The following PCDH15 variants were observed in gnomAD, a reference collection of about 807,000 sequenced individuals.
The protein encoded by PCDH15 is protocadherin-15.
A neutral mutation model predicts 178.5 loss-of-function variants in PCDH15; 129 were observed. That is an observed-to-expected ratio of 0.72 (90% CI 0.63 to 0.84). The LOEUF (loss-of-function observed/expected upper bound fraction) is 0.84, where lower values mean the gene tolerates loss of function less well. PCDH15 is among the 40% of genes least tolerant of loss of function. PCDH15 has a pLI of 0.00. For missense variants in PCDH15, 2,230 were observed against 2,099.9 expected (o/e 1.06, Z -1.21); for synonymous variants, 800 against 732.0 (o/e 1.09, Z -1.50).
rs1211089471 is a variant in PCDH15 at position 54,520,147 on chromosome 10, T to G, written c.157+7665A>C. Among the ~76,000 whole-genome samples the G allele has an allele frequency of 1.1e-4, 16 of 152,092 alleles. No homozygotes were observed. The South Asian group carries it at 1.2e-3, about 12-fold the overall frequency. The stretch of plus-strand genomic sequence containing the variant: ...CTAGGCAATACCATTCAGGACATAG[T>G]CATGGGCAAGGACTTTATGTCTAAA... On this transcript the variant is annotated intron_variant, in intron 3 of 37. Transcript: ENST00000644397.
chr10:55,589,926 C>T (rs1467730157), intron 2 of PCDH15, among the ~76,000 whole-genome samples: 3 of 147,626 alleles, frequency 2.0e-5, no homozygotes, highest in Non-Finnish European at 4.5e-5. Context: ...GGATCTAGAA[C>T]TAGAAATACC....
At chr10:53,972,394 T>G (rs1220775148) in intron 21 of PCDH15, among the ~76,000 whole-genome samples, 1 of 152,184 alleles carries the variant, frequency 6.6e-6, no homozygotes, top group East Asian at 1.9e-4. Context: ...GCTTCATGAC[T>G]AAAACACCAA....
At chr10:54,783,085 C>T (rs544469896) in intron 1 of PCDH15, among the ~76,000 whole-genome samples, 9 of 152,074 alleles carry the variant, frequency 5.9e-5, no homozygotes, top group South Asian at 2.1e-4. Flanking sequence ...TGCAAGGAAA[C>T]GTGACACTTT....
intron 22 of PCDH15, among the ~76,000 whole-genome samples, chr10:53,961,316 G>T (rs542739820): frequency 5.3e-5 from 8 of 151,870 alleles, no homozygotes; most frequent in Non-Finnish European, 1.2e-4. Flanking sequence ...ACAAAAAATG[G>T]AAAGTCTAAT....
intron 1 of PCDH15, among the ~76,000 whole-genome samples, chr10:55,220,472 T>A (rs1840840327): frequency 6.6e-6 from 1 of 152,078 alleles, no homozygotes; most frequent in Admixed American, 6.6e-5. Context: ...AATGCATTTT[T>A]AGGCAATTTC....
chr10:54,031,138 C>T (rs565887788), intron 18 of PCDH15, among the ~76,000 whole-genome samples: 32 of 152,148 alleles, frequency 2.1e-4, no homozygotes, highest in African/African-American at 7.5e-4. Flanking sequence ...AATTCCATTC[C>T]CTCACACAGT....
intron 1 of PCDH15, among the ~76,000 whole-genome samples, chr10:55,253,060 G>C (rs1473552450): frequency 6.6e-6 from 1 of 152,052 alleles, no homozygotes; most frequent in Non-Finnish European, 1.5e-5. Flanking sequence ...TAAATATTGA[G>C]GGTCATGATA....
intron 1 of PCDH15, among the ~76,000 whole-genome samples, chr10:55,197,432 C>T (rs2132154108): frequency 6.6e-6 from 1 of 152,060 alleles, no homozygotes; most frequent in Middle Eastern, 3.4e-3. Flanking sequence ...ATCATGGTTC[C>T]TTAATAATTC....
chr10:53,883,778 T>C lies in PCDH15; in HGVS notation c.3502-16921A>G, dbSNP rs1222599300. On this transcript the variant is annotated intron_variant, in intron 26 of 37. Coordinates refer to ENST00000644397, the MANE Select transcript of PCDH15 (RefSeq NM_001384140.1). The stretch of plus-strand genomic sequence containing the variant: ...TTGCCCAGGCTGGAGCGCAATGGTG[T>C]GATCTTGGCTCACCACCACCTCCGC... Among the ~76,000 whole-genome samples the C allele has an allele frequency of 3.3e-5, 5 of 152,202 alleles. No homozygotes were observed. The South Asian group carries it at 8.3e-4, about 25-fold the overall frequency.
intron 21 of PCDH15, among the ~76,000 whole-genome samples, chr10:53,970,346 C>G (rs2089543061): frequency 6.6e-6 from 1 of 152,064 alleles, no homozygotes; most frequent in African/African-American, 2.4e-5. Flanking sequence ...ACAGGAGCAC[C>G]CAGATTCATA....
chr10:54,079,721 G>A (rs1409618765), intron 16 of PCDH15, among the ~76,000 whole-genome samples: 2 of 152,046 alleles, frequency 1.3e-5, no homozygotes, highest in African/African-American at 2.4e-5. Context: ...TATCTATCTT[G>A]TTTTCGATTA....
intron 16 of PCDH15, among the ~76,000 whole-genome samples, chr10:54,088,621 A>G (rs2094551832): frequency 6.6e-6 from 1 of 152,162 alleles, no homozygotes; most frequent in Admixed American, 6.6e-5. Context: ...TGTACTGACT[A>G]ATCCAAATAA....
At chr10:55,476,509 A>T (rs1051615180) in intron 2 of PCDH15, among the ~76,000 whole-genome samples, 4 of 152,000 alleles carry the variant, frequency 2.6e-5, no homozygotes, top group Admixed American at 6.6e-5. Context: ...TTAAAATGGA[A>T]TGGAAAAAAA....
At chr10:54,367,299 C>T in intron 5 of PCDH15, among the ~76,000 whole-genome samples, 1 of 151,882 alleles carries the variant, frequency 6.6e-6, no homozygotes, top group East Asian at 1.9e-4. Context: ...CTTTTGACAC[C>T]CGACAATAAT....
At chr10:54,731,871 A>G (rs904959680) in intron 1 of PCDH15, among the ~76,000 whole-genome samples, 6 of 151,008 alleles carry the variant, frequency 4.0e-5, no homozygotes, top group African/African-American at 9.7e-5. Flanking sequence ...AAGAAATAAT[A>G]TCTAGTGTTT....
At chr10:54,416,063 A>G (rs1435454434) in intron 3 of PCDH15, among the ~76,000 whole-genome samples, 1 of 152,116 alleles carries the variant, frequency 6.6e-6, no homozygotes, top group African/African-American at 2.4e-5. Context: ...TCCCTGGCGC[A>G]GGTGATTCTC....
intron 3 of PCDH15, among the ~76,000 whole-genome samples, chr10:54,426,069 C>G (rs1956235858): frequency 6.6e-6 from 1 of 152,138 alleles, no homozygotes; most frequent in African/African-American, 2.4e-5. Context: ...ATAAAACAAA[C>G]AGCTATCTAA....
chr10:55,564,546 T>TGATAC (rs2132102641), intron 2 of PCDH15, among the ~76,000 whole-genome samples: 1 of 151,760 alleles, frequency 6.6e-6, no homozygotes, highest in Non-Finnish European at 1.5e-5. Context: ...AGCAAAGCCC[T>TGATAC]TCAAACAAAA....
At chr10:54,667,125 G>C (rs189007885) in intron 1 of PCDH15, among the ~76,000 whole-genome samples, 27 of 151,958 alleles carry the variant, frequency 1.8e-4, no homozygotes, top group African/African-American at 6.3e-4. Context: ...GATAATTTTA[G>C]GGGAAATATT....
Sources: allele counts gnomAD v4.1 joint callset (sites outside exome capture counted in the v4.1 genomes callset), GRCh38; gene constraint gnomAD v4.1.1; transcripts MANE v1.5; gene names NCBI Gene and HGNC (gene_info 2026-07-23, HGNC 2026-07-21).